The following SERPINI1 variants were observed in gnomAD, a reference collection of about 807,000 sequenced individuals.
The protein encoded by SERPINI1 is serpin family I member 1.
SERPINI1 carries 19 observed loss-of-function variants against 41.1 expected under a neutral mutation model. That is an observed-to-expected ratio of 0.46 (90% confidence interval 0.32 to 0.68). The LOEUF (loss-of-function observed/expected upper bound fraction) is 0.68, where lower values mean the gene tolerates loss of function less well. SERPINI1 is among the 30% of genes least tolerant of loss of function. The pLI is 0.03. For missense variants in SERPINI1, 460 were observed against 479.2 expected (o/e 0.96, Z 0.37); for synonymous variants, 138 against 156.6 (o/e 0.88, Z 0.89).
chr3:167,765,198 C>T (rs933275027), intron 1 of SERPINI1, among the ~76,000 whole-genome samples: 1 of 152,358 alleles, frequency 6.6e-6, no homozygotes, highest in African/African-American at 2.4e-5. Context: ...CCACATTTCT[C>T]TTCCACATTA....
intron 3 of SERPINI1, among the ~76,000 whole-genome samples, chr3:167,791,067 C>T (rs1290240047): frequency 6.6e-6 from 1 of 152,040 alleles, no homozygotes; most frequent in African/African-American, 2.4e-5. Flanking sequence ...GATTCATTTT[C>T]AAAAGAGCAG....
chr3:167,761,361 T>G (rs1242041594), intron 1 of SERPINI1, among the ~76,000 whole-genome samples: 2 of 152,198 alleles, frequency 1.3e-5, no homozygotes. Context: ...AAAACTAAAT[T>G]CCCAATTGTA....
At chr3:167,741,054 A>G (rs1366832740) in intron 1 of SERPINI1, among the ~76,000 whole-genome samples, 1 of 152,188 alleles carries the variant, frequency 6.6e-6, no homozygotes, top group Non-Finnish European at 1.5e-5. Context: ...TCTCTGAGCC[A>G]TCATGAAGAA....
At chr3:167,781,177 A>G (rs950464065) in intron 1 of SERPINI1, among the ~76,000 whole-genome samples, 1 of 152,102 alleles carries the variant, frequency 6.6e-6, no homozygotes, top group African/African-American at 2.4e-5. Flanking sequence ...GCAAATCAGG[A>G]AACACAGGCC....
chr3:167,792,506 C>T, intron 3 of SERPINI1, 84 bp from the exon 4 acceptor site: 1 of 1,112,326 alleles, frequency 9.0e-7, no homozygotes, highest in East Asian at 2.5e-5. Context: ...ACCACTCTAT[C>T]AGATGGTGAT....
intron 1 of SERPINI1, among the ~76,000 whole-genome samples, chr3:167,781,589 A>AGTGTTCT (rs1727126479): frequency 6.8e-6 from 1 of 146,142 alleles, no homozygotes; most frequent in Non-Finnish European, 1.5e-5. Flanking sequence ...CTTCTAATAC[A>AGTGTTCT]GTGTTCTTTT....
Position 167,758,162 on chromosome 3 carries a change from C to T in SERPINI1, c.-19+22339C>T, listed in dbSNP as rs59200797. On this transcript the variant is annotated intron_variant, in intron 1 of 8. Coordinates refer to ENST00000446050, the MANE Select transcript of SERPINI1 (RefSeq NM_001122752.2). ...ACCTGCAGGTGTGTGGATCCGGTGCCCTGTGTCCCCTGATACCCCACACAT... is the reference window on the plus strand; with the variant it reads ...ACCTGCAGGTGTGTGGATCCGGTGCTCTGTGTCCCCTGATACCCCACACAT... Among the ~76,000 whole-genome samples, 1,652 of 130,984 alleles carry T rather than the reference C, an allele frequency of 0.013. 93 individuals are homozygous for T. In the East Asian group the frequency reaches 0.2, roughly 16 times the overall value. 85.9% of individuals were successfully genotyped at this position (130,984 alleles called of 152,430 possible). A position where few individuals can be genotyped will look rare whatever the true frequency, so the allele number is the denominator to read the frequency against.
intron 6 of SERPINI1, among the ~76,000 whole-genome samples, chr3:167,808,407 AACTTAAG>A (rs1378714513): frequency 6.6e-6 from 1 of 152,078 alleles, no homozygotes; most frequent in African/African-American, 2.4e-5. Flanking sequence ...GGCAACAATG[AACTTAAG>A]ACTGAGTAAA....
chr3:167,764,973 C>T (rs1048499646), intron 1 of SERPINI1, among the ~76,000 whole-genome samples: 1 of 152,102 alleles, frequency 6.6e-6, no homozygotes, highest in African/African-American at 2.4e-5. Flanking sequence ...GGTAGGTTCT[C>T]ATTGTCTTGG....
rs972212011 is a variant in SERPINI1 at position 167,789,525 on chromosome 3, C to T, written c.250+147C>T. ...GTATGGCTAGAAGGATTAGGAAACCCAAGAAATGTGTTAATTCCTGATTCC... is the reference window on the plus strand; with the variant it reads ...GTATGGCTAGAAGGATTAGGAAACCTAAGAAATGTGTTAATTCCTGATTCC... On this transcript the variant is annotated intron_variant, in intron 2 of 8. Coordinates refer to ENST00000446050, the MANE Select transcript of SERPINI1 (RefSeq NM_001122752.2). 16 of 890,030 alleles carry T rather than the reference C, an allele frequency of 1.8e-5. No homozygotes were observed. The South Asian group carries it at 2.1e-4, about 12-fold the overall frequency. The allele number at this position is 890,030 out of a possible 1,614,324, so 55.1% of individuals were successfully genotyped here.
intron 6 of SERPINI1, among the ~76,000 whole-genome samples, chr3:167,816,012 G>A (rs1399027558): frequency 6.6e-6 from 1 of 151,996 alleles, no homozygotes; most frequent in Non-Finnish European, 1.5e-5. Context: ...TTAGATTATT[G>A]TCTTATGTTT....
At chr3:167,741,681 C>T (rs530468403) in intron 1 of SERPINI1, among the ~76,000 whole-genome samples, 43 of 152,246 alleles carry the variant, frequency 2.8e-4, no homozygotes, top group African/African-American at 9.9e-4. Flanking sequence ...GTGTACTTCA[C>T]GAAGCAATTT....
At chr3:167,797,205 G>T (rs897871142) in intron 5 of SERPINI1, among the ~76,000 whole-genome samples, 1 of 151,950 alleles carries the variant, frequency 6.6e-6, no homozygotes, top group East Asian at 1.9e-4. Context: ...TAATGTGATT[G>T]TTTACTCCTT....
intron 1 of SERPINI1, among the ~76,000 whole-genome samples, chr3:167,753,742 T>C (rs1338779446): frequency 6.6e-6 from 1 of 152,210 alleles, no homozygotes; most frequent in Non-Finnish European, 1.5e-5. Context: ...TGTCTAAATC[T>C]TGCCTAGAAC....
chr3:167,754,823 T>C (rs1726147287), intron 1 of SERPINI1, among the ~76,000 whole-genome samples: 1 of 152,194 alleles, frequency 6.6e-6, no homozygotes, highest in Non-Finnish European at 1.5e-5. Context: ...GTGTCCACCA[T>C]GGAGTTCAGG....
chr3:167,794,603 CTTTAT>C lies in SERPINI1; in HGVS notation c.677-13_677-9del, dbSNP rs1560010587. The C allele has an allele frequency of 6.2e-7, 1 of 1,610,764 alleles. No individual in the cohort carries two copies. The highest frequency in any genetic ancestry group is 8.5e-7 in the Non-Finnish European group (1 of 1,177,850). The stretch of plus-strand genomic sequence containing the variant: ...AGCTTTGATAGGCATCTTTTATGGC[CTTTAT>C]TTTCTTTTTAGGGGAATTTAGTGAT... On this transcript the variant is annotated splice_polypyrimidine_tract_variant and intron_variant, in intron 4 of 8. Transcript: ENST00000446050.
chr3:167,739,537 G>T (rs1299958857), intron 1 of SERPINI1, among the ~76,000 whole-genome samples: 4 of 152,156 alleles, frequency 2.6e-5, no homozygotes, highest in African/African-American at 9.7e-5. Context: ...TCAGAGATAG[G>T]ATATATAGGC....
chr3:167,746,980 A>G (rs866928143), intron 1 of SERPINI1, among the ~76,000 whole-genome samples: 1 of 152,232 alleles, frequency 6.6e-6, no homozygotes, highest in South Asian at 2.1e-4. Context: ...AAACATCCAC[A>G]GGTGTTCATA....
At chr3:167,747,361 T>C (rs1725890673) in intron 1 of SERPINI1, among the ~76,000 whole-genome samples, 3 of 152,122 alleles carry the variant, frequency 2.0e-5, no homozygotes, top group African/African-American at 4.8e-5. Flanking sequence ...AACCACTAGA[T>C]TGGCCGGGCA....
Sources: allele counts gnomAD v4.1 joint callset (sites outside exome capture counted in the v4.1 genomes callset), GRCh38; gene constraint gnomAD v4.1.1; transcripts MANE v1.5; gene names NCBI Gene and HGNC (gene_info 2026-07-23, HGNC 2026-07-21).